Variants in ANKRD34C observed in about 807,000 individuals in gnomAD.
ANKRD34C encodes the protein ankyrin repeat domain-containing protein 34C.
For synonymous variants in ANKRD34C, 260 were observed against 253.6 expected (o/e 1.03, Z -0.24); for missense variants, 563 against 653.0 (o/e 0.86, Z 1.50).
Position 79,298,130 on chromosome 15 carries a change from T to C in ANKRD34C, c.*3238T>C, listed in dbSNP as rs1351032507. ...TGCTTGAACTGATTCTCTACAGTGT[T>C]CCTTCCTAGTCTCAAGCTGATGATG... On this transcript the variant is annotated 3_prime_UTR_variant, in exon 2 of 2. Transcript: ENST00000421388. 1 of 167,022 alleles carries C rather than the reference T, an allele frequency of 6.0e-6. No individual in the cohort carries two copies. Among genetic ancestry groups the C allele is most frequent in the African/African-American group, 2.4e-5 (1 of 41,448 alleles). The allele number at this position is 167,022 out of a possible 1,614,324, so 10.3% of individuals were successfully genotyped here. A position where few individuals can be genotyped will look rare whatever the true frequency, so the allele number is the denominator to read the frequency against.
Position 79,293,338 on chromosome 15 carries a change from T to C in ANKRD34C, c.54T>C (p.Ala18=). The C allele has an allele frequency of 6.5e-7, 1 of 1,549,602 alleles. No individual in the cohort carries two copies. The highest frequency in any genetic ancestry group is 8.7e-7 in the Non-Finnish European group (1 of 1,145,986). ...CTGATGGAAACTCTTTGTTAAAGGC[T>C]GTGTGGCTGGGGAGGCTCAGGTTGA... ...LRTDGNSLLK[A]VWLGRLRLTR... Residue 18 remains alanine, a synonymous_variant, in exon 2 of 2, where the codon GCT becomes GCC. Coordinates refer to ENST00000421388, the MANE Select transcript of ANKRD34C (RefSeq NM_001146341.2).
rs2058667423 is a variant in ANKRD34C, at chr15:79,294,416, G to T, written c.1132G>T (p.Asp378Tyr). The change falls in exon 2 of 2, where the codon GAC (aspartate) becomes TAC (tyrosine). Residue 378 changes from aspartate to tyrosine, a missense_variant. By Grantham distance (160) the Asp-to-Tyr change is radical. Coordinates refer to ENST00000421388, the MANE Select transcript of ANKRD34C (RefSeq NM_001146341.2). ...TGCATCCCTCAAATGGCTGGAAAAT[G>T]ACCTCTATGACTTAGATATACAGCC... ...EPASLKWLENDLYDLDIQPGP... is the reference protein window; with the variant it reads ...EPASLKWLENYLYDLDIQPGP... 6.4e-7 allele frequency: 1 copy of T among 1,551,564 alleles called. No homozygotes were observed.
rs369282131 is a variant in ANKRD34C, at chr15:79,290,141, C to T, written c.-44-3100C>T. Among the ~76,000 whole-genome samples the T allele has an allele frequency of 1.1e-4, 16 of 150,962 alleles. No individual in the cohort carries two copies. The South Asian group carries it at 3.0e-3, about 28-fold the overall frequency. ...CTGGGCTCAAGTGATCCACCTGCCTCAGCCTCCTCAGAAGCTAGGCCTATA... is the reference window on the plus strand; with the variant it reads ...CTGGGCTCAAGTGATCCACCTGCCTTAGCCTCCTCAGAAGCTAGGCCTATA... On this transcript the variant is annotated intron_variant, in intron 1 of 1. Coordinates refer to ENST00000421388, the MANE Select transcript of ANKRD34C (RefSeq NM_001146341.2).
chr15:79,293,894 G>A lies in ANKRD34C; in HGVS notation c.610G>A (p.Glu204Lys). ...TCTAGGCCTGGACTCTCCACTCACT[G>A]AGAAGGAAGATGACTTCTTCAGCCT... Reference protein sequence around the residue: ...KALGLDSPLTEKEDDFFSLQA... With the variant: ...KALGLDSPLTKKEDDFFSLQA... Residue 204 changes from glutamate (E) to lysine (K), a missense_variant, in exon 2 of 2, where the codon GAG becomes AAG. Physicochemically the swap from Glu to Lys is moderately conservative, Grantham distance 56. Coordinates refer to ENST00000421388, the MANE Select transcript of ANKRD34C (RefSeq NM_001146341.2). 1 of 1,551,674 alleles carries A rather than the reference G, an allele frequency of 6.4e-7. No homozygotes were observed. The highest frequency in any genetic ancestry group is 2.4e-5 in the East Asian group (1 of 40,910).
In ANKRD34C at chr15:79,295,440, A is replaced by G. The variant is rs1462115615; in HGVS notation, c.*548A>G. On this transcript the variant is annotated 3_prime_UTR_variant, in exon 2 of 2. Coordinates refer to ENST00000421388, the MANE Select transcript of ANKRD34C (RefSeq NM_001146341.2). ...CTCTGACTCTGTCAGGGCACTGTAA[A>G]TCATGGTGTGGTTGAACTCGTTCAG... 6.0e-6 allele frequency: 1 copy of G among 168,034 alleles called. No homozygotes were observed. The highest frequency in any genetic ancestry group is 1.9e-4 in the East Asian group (1 of 5,206). 10.4% of individuals were successfully genotyped at this position (168,034 alleles called of 1,614,324 possible). A position where few individuals can be genotyped will look rare whatever the true frequency, so the allele number is the denominator to read the frequency against.
rs2058665966 is a variant in ANKRD34C at position 79,293,971 on chromosome 15, T to C, written c.687T>C (p.Pro229=). 1 of 1,551,562 alleles carries C rather than the reference T, an allele frequency of 6.4e-7. No individual in the cohort carries two copies. The highest frequency in any genetic ancestry group is 8.7e-7 in the Non-Finnish European group (1 of 1,146,986). ...SCNTSKAVNE[P]GSPTRKVSNL... ...ACACCTCCAAGGCTGTTAATGAGCC[T>C]GGGTCACCCACCAGGAAAGTCAGTA... Residue 229 remains proline (P), a synonymous_variant, in exon 2 of 2, where the codon CCT becomes CCC. Transcript: ENST00000421388.
Position 79,295,716 on chromosome 15 carries a change from A to G in ANKRD34C, c.*824A>G, listed in dbSNP as rs1433294698. 6.0e-6 allele frequency: 1 copy of G among 166,952 alleles called. No individual in the cohort carries two copies. The highest frequency in any genetic ancestry group is 1.9e-4 in the East Asian group (1 of 5,208). The allele number at this position is 166,952 out of a possible 1,614,324, so 10.3% of individuals were successfully genotyped here. On this transcript the variant is annotated 3_prime_UTR_variant, in exon 2 of 2. Transcript: ENST00000421388. ...GATACAATTATAGATTAAAAATATC[A>G]GAAGCATTTCCAGATTATTCTTAAA...
Position 79,282,795 on chromosome 15 carries a change from C to T in ANKRD34C, c.-478C>T, listed in dbSNP as rs1393436750. Among the ~76,000 whole-genome samples, 2 of 152,274 alleles carry T rather than the reference C, an allele frequency of 1.3e-5. No homozygotes were observed. Among genetic ancestry groups the T allele is most frequent in the African/African-American group, 4.8e-5 (2 of 41,474 alleles). On this transcript the variant is annotated 5_prime_UTR_variant, in exon 1 of 2. Coordinates refer to ENST00000421388, the MANE Select transcript of ANKRD34C (RefSeq NM_001146341.2). ...GGCAGCAGCGCGTCGTCAGCCAGCA[C>T]AGCCGGCCGAAGACCAAGCCGGAGG...
In ANKRD34C at chr15:79,294,262, G is replaced by C; in HGVS notation, c.978G>C (p.Pro326=). ...QVLKIPVSSA[P]ASWKAAYEKG... ...TGAAGATTCCAGTCTCTTCAGCACC[G>C]GCATCCTGGAAAGCAGCCTATGAGA... Residue 326 remains proline (P), a synonymous_variant, in exon 2 of 2, where the codon CCG becomes CCC. Coordinates refer to ENST00000421388, the MANE Select transcript of ANKRD34C (RefSeq NM_001146341.2). 6.4e-7 allele frequency: 1 copy of C among 1,551,614 alleles called. No homozygotes were observed. The highest frequency in any genetic ancestry group is 1.2e-5 in the South Asian group (1 of 84,044).
rs1196945683 is a variant in ANKRD34C at position 79,297,324 on chromosome 15, TA to T, written c.*2436del. On this transcript the variant is annotated 3_prime_UTR_variant, in exon 2 of 2. Coordinates refer to ENST00000421388, the MANE Select transcript of ANKRD34C (RefSeq NM_001146341.2). ...TTTTCCAGCTGTTGTTAGTGTCACT[TA>T]AAACTGATCTCTGCTGGTAGTATTC... 2 of 167,138 alleles carry T rather than the reference TA, an allele frequency of 1.2e-5. No individual in the cohort carries two copies. The highest frequency in any genetic ancestry group is 2.4e-5 in the African/African-American group (1 of 41,462). The allele number at this position is 167,138 out of a possible 1,614,324, so 10.4% of individuals were successfully genotyped here. A position where few individuals can be genotyped will look rare whatever the true frequency, so the allele number is the denominator to read the frequency against.
chr15:79,289,762 A>G (rs2058654636), intron 1 of ANKRD34C, among the ~76,000 whole-genome samples: 1 of 152,194 alleles, frequency 6.6e-6, no homozygotes, highest in Non-Finnish European at 1.5e-5. Flanking sequence ...GAGCAAAGAC[A>G]GTATTTCTAG....
chr15:79,284,716 C>T (rs1215057099), intron 1 of ANKRD34C, among the ~76,000 whole-genome samples: 1 of 152,126 alleles, frequency 6.6e-6, no homozygotes, highest in Admixed American at 6.5e-5. Context: ...ATATTGCCTA[C>T]CATTTGATCC....
Position 79,297,108 on chromosome 15 carries a change from G to A in ANKRD34C, c.*2216G>A, listed in dbSNP as rs2058674175. ...ATCTATAGCTCATGAACTTGGTTTA[G>A]TGTGGACAACCCTGTTCTTTTCAGA... On this transcript the variant is annotated 3_prime_UTR_variant, in exon 2 of 2. Transcript: ENST00000421388. 6.0e-6 allele frequency: 1 copy of A among 166,978 alleles called. No individual in the cohort carries two copies. Among genetic ancestry groups the A allele is most frequent in the African/African-American group, 2.4e-5 (1 of 41,454 alleles). 10.3% of individuals were successfully genotyped at this position (166,978 alleles called of 1,614,324 possible). A position where few individuals can be genotyped will look rare whatever the true frequency, so the allele number is the denominator to read the frequency against.
chr15:79,288,450 A>G (rs1367015742), intron 1 of ANKRD34C, among the ~76,000 whole-genome samples: 2 of 152,294 alleles, frequency 1.3e-5, no homozygotes, highest in Non-Finnish European at 2.9e-5. Context: ...CCCATCCTCT[A>G]TTTTCTATTG....
chr15:79,294,324 G>A lies in ANKRD34C; in HGVS notation c.1040G>A (p.Gly347Glu). The change falls in exon 2 of 2, where the codon GGA becomes GAA. Residue 347 changes from glycine to glutamate, a missense_variant. Coordinates refer to ENST00000421388, the MANE Select transcript of ANKRD34C (RefSeq NM_001146341.2). ...QAPHPRLARR[G>E]TLPVDQEKCG... ...CCCCACCCACGTCTGGCCAGGAGAG[G>A]AACTCTCCCTGTTGACCAAGAGAAA... The A allele has an allele frequency of 6.4e-7, 1 of 1,551,686 alleles. No individual in the cohort carries two copies. The highest frequency in any genetic ancestry group is 2.4e-5 in the East Asian group (1 of 40,924).
At chr15:79,290,499 G>A (rs996200771) in intron 1 of ANKRD34C, among the ~76,000 whole-genome samples, 1 of 151,920 alleles carries the variant, frequency 6.6e-6, no homozygotes, top group Admixed American at 6.6e-5. Flanking sequence ...TCCTCTAGGG[G>A]CTGGCTGGGG....
Position 79,290,379 on chromosome 15 carries a change from C to T in ANKRD34C, c.-44-2862C>T, listed in dbSNP as rs189536888. 2.6e-4 allele frequency among the ~76,000 whole-genome samples: 39 copies of T among 152,106 alleles called. No homozygotes were observed. The East Asian group carries it at 5.6e-3, about 22-fold the overall frequency. ...TTTTGTCTTTAATGAATAGTGCTGC[C>T]GATGTCTTTTGGTACACATATTAGT... On this transcript the variant is annotated intron_variant, in intron 1 of 1. Coordinates refer to ENST00000421388, the MANE Select transcript of ANKRD34C (RefSeq NM_001146341.2).
Position 79,293,582 on chromosome 15 carries a change from G to A in ANKRD34C, c.298G>A (p.Glu100Lys), listed in dbSNP as rs1289243854. ...IHACIRRAGG[E>K]VVSLLLENGA... ...TGCCTGTATCAGAAGAGCTGGGGGA[G>A]AAGTGGTCTCCTTATTACTGGAGAA... The change falls in exon 2 of 2, where the codon GAA becomes AAA. Residue 100 changes from glutamate (E) to lysine (K), a missense_variant. Coordinates refer to ENST00000421388, the MANE Select transcript of ANKRD34C (RefSeq NM_001146341.2). 1 of 1,551,704 alleles carries A rather than the reference G, an allele frequency of 6.4e-7. No individual in the cohort carries two copies.
In ANKRD34C at chr15:79,296,649, T is replaced by G. The variant is rs114257926; in HGVS notation, c.*1757T>G. Reference sequence around the variant, plus strand: ...TTTATCTGAATATTCCAAACAAAAGTGTTAATGATGGTTAAACAAAAAAAC... The same window carrying G: ...TTTATCTGAATATTCCAAACAAAAGGGTTAATGATGGTTAAACAAAAAAAC... On this transcript the variant is annotated 3_prime_UTR_variant, in exon 2 of 2. Coordinates refer to ENST00000421388, the MANE Select transcript of ANKRD34C (RefSeq NM_001146341.2). 2 of 167,054 alleles carry G rather than the reference T, an allele frequency of 1.2e-5. No homozygotes were observed. The highest frequency in any genetic ancestry group is 2.4e-5 in the African/African-American group (1 of 41,444). 10.3% of individuals were successfully genotyped at this position (167,054 alleles called of 1,614,324 possible).
Sources: allele counts gnomAD v4.1 joint callset (sites outside exome capture counted in the v4.1 genomes callset), GRCh38; gene constraint gnomAD v4.1.1; transcripts MANE v1.5; gene names NCBI Gene and HGNC (gene_info 2026-07-23, HGNC 2026-07-21).